SHANK2: variants seen among roughly 807,000 people sequenced by gnomAD.
SHANK2 encodes the protein SH3 and multiple ankyrin repeat domains 2, also known as SH3 and multiple ankyrin repeat domains protein 2.
In SHANK2, 43 loss-of-function variants were observed where a neutral mutation model predicts 133.7. The observed-to-expected ratio is 0.32, with a 90% CI of 0.25 to 0.41. The LOEUF is 0.41. SHANK2 is among the 10% of genes least tolerant of loss of function. The pLI, the probability that SHANK2 is intolerant of heterozygous loss-of-function variation, is 1.00. For synonymous variants in SHANK2, 1,017 were observed against 952.8 expected (o/e 1.07, Z -1.24); for missense variants, 1,994 against 2,235.8 (o/e 0.89, Z 2.18).
intron 15 of SHANK2, among the ~76,000 whole-genome samples, chr11:70,671,150 T>C (rs1944795720): frequency 6.6e-6 from 1 of 152,238 alleles, no homozygotes; most frequent in Non-Finnish European, 1.5e-5. Context: ...AAGCATTTCC[T>C]GAGCACTACC....
chr11:70,944,473 A>C (rs140042268), intron 10 of SHANK2, among the ~76,000 whole-genome samples: 2 of 152,348 alleles, frequency 1.3e-5, no homozygotes, highest in East Asian at 1.9e-4. Flanking sequence ...GAACACGTGC[A>C]TCTGAAACAC....
intron 17 of SHANK2, among the ~76,000 whole-genome samples, chr11:70,551,027 C>T (rs1349559323): frequency 1.3e-5 from 2 of 152,168 alleles, no homozygotes; most frequent in Non-Finnish European, 2.9e-5. Context: ...GAGGGCCAAG[C>T]GGGGAGGGCC....
intron 14 of SHANK2, among the ~76,000 whole-genome samples, chr11:70,708,889 C>T (rs182400674): frequency 6.6e-6 from 1 of 152,204 alleles, no homozygotes; most frequent in Non-Finnish European, 1.5e-5. Context: ...GTGGACCCCC[C>T]CTGCTGACCT....
At position 70,535,098 on chromosome 11, in the gene SHANK2, G is replaced by A. The variant is rs2059527138; in HGVS notation, c.2062-32167C>T. Among the ~76,000 whole-genome samples, 1 of 152,190 alleles carries A rather than the reference G, an allele frequency of 6.6e-6. No homozygotes were observed. The highest frequency in any genetic ancestry group is 2.1e-4 in the South Asian group (1 of 4,824). On this transcript the variant is annotated intron_variant, in intron 17 of 25. Transcript: ENST00000601538. This position sits in a 1 kb window ranked among gnomAD's most constrained non-coding sequence, Gnocchi z 4.3. ...ACCTGGAGGGAAGACTGGCTTTGGG[G>A]CAGGTGAGGCAGGCACATGAAGTAG...
At chr11:71,233,176 C>T (rs1026599837) in intron 1 of SHANK2, among the ~76,000 whole-genome samples, 1 of 151,840 alleles carries the variant, frequency 6.6e-6, no homozygotes, top group Non-Finnish European at 1.5e-5. Context: ...TGAATGTTCA[C>T]GGCAGCATAC....
At chr11:70,565,256 T>C (rs964673987) in intron 17 of SHANK2, among the ~76,000 whole-genome samples, 15 of 141,372 alleles carry the variant, frequency 1.1e-4, no homozygotes, top group Admixed American at 5.6e-4. Flanking sequence ...TCCATTTATT[T>C]ATTTTTGAGA....
At chr11:71,184,393 C>G (rs1228286025) in intron 2 of SHANK2, among the ~76,000 whole-genome samples, 2 of 152,150 alleles carry the variant, frequency 1.3e-5, no homozygotes, top group African/African-American at 4.8e-5. Context: ...GCTCTCGCGT[C>G]CATCACTTGA....
intron 11 of SHANK2, among the ~76,000 whole-genome samples, chr11:70,893,849 G>A (rs782105584): frequency 5.9e-5 from 9 of 152,120 alleles, no homozygotes; most frequent in South Asian, 2.1e-4. Flanking sequence ...ACAAACATAC[G>A]GACATGAGAG....
chr11:70,937,523 A>G (rs1950588017), intron 10 of SHANK2, among the ~76,000 whole-genome samples: 1 of 152,174 alleles, frequency 6.6e-6, no homozygotes, highest in Admixed American at 6.5e-5. Context: ...ACCTTCATCA[A>G]TTGGTGGCCA....
rs1331118530 is a variant in SHANK2 at position 70,787,545 on chromosome 11, TCATCACCATGAC to T, written c.1777+10886_1777+10897del. Among the ~76,000 whole-genome samples, 78 of 121,116 alleles carry T rather than the reference TCATCACCATGAC, an allele frequency of 6.4e-4. 2 individuals are homozygous for T. The highest frequency in any genetic ancestry group is 5.7e-3 in the Admixed American group (67 of 11,766). The allele number at this position is 121,116 out of a possible 152,430, so 79.5% of individuals were successfully genotyped here. A position where few individuals can be genotyped will look rare whatever the true frequency, so the allele number is the denominator to read the frequency against. On this transcript the variant is annotated intron_variant, in intron 14 of 25. Transcript: ENST00000601538. ...ACCACCACCACCAGCATCAACACCA[TCATCACCATGAC>T]CATCACCATGACCACCACCACCAGC...
At chr11:70,901,591 G>A (rs1333821267) in intron 10 of SHANK2, among the ~76,000 whole-genome samples, 3 of 152,034 alleles carry the variant, frequency 2.0e-5, no homozygotes, top group African/African-American at 4.8e-5. Flanking sequence ...ATAACATTTC[G>A]GTAATACAGA....
At chr11:71,117,891 G>A (rs75105771) in intron 4 of SHANK2, among the ~76,000 whole-genome samples, 1,843 of 152,278 alleles carry the variant, frequency 0.012, 12 homozygotes, top group East Asian at 0.02. Flanking sequence ...AGGGGGTGGT[G>A]GGAACCCCTA....
intron 10 of SHANK2, among the ~76,000 whole-genome samples, chr11:70,901,328 C>T (rs1055152070): frequency 6.6e-6 from 1 of 152,092 alleles, no homozygotes; most frequent in East Asian, 1.9e-4. Context: ...GCATAAGAAA[C>T]AACAAATGAC....
intron 13 of SHANK2, among the ~76,000 whole-genome samples, chr11:70,801,512 A>C (rs575466841): frequency 1.3e-5 from 2 of 152,356 alleles, no homozygotes; most frequent in Admixed American, 1.3e-4. Context: ...ATCTGCGTCC[A>C]GGTAGGAATG....
At chr11:70,716,565 G>A (rs1308721348) in intron 14 of SHANK2, among the ~76,000 whole-genome samples, 3 of 152,126 alleles carry the variant, frequency 2.0e-5, no homozygotes, top group East Asian at 1.9e-4. Flanking sequence ...CCATCAGGGT[G>A]CCTTCTTGGG....
intron 1 of SHANK2, among the ~76,000 whole-genome samples, chr11:71,248,407 G>A (rs1439103371): frequency 2.0e-5 from 3 of 152,242 alleles, no homozygotes; most frequent in African/African-American, 7.2e-5. Context: ...GCTTTCTCCA[G>A]CTGGGCAGCG....
At chr11:70,508,481 A>G (rs1554968804) in intron 17 of SHANK2, among the ~76,000 whole-genome samples, 7 of 152,140 alleles carry the variant, frequency 4.6e-5, no homozygotes, top group African/African-American at 1.7e-4. Flanking sequence ...GCCCAAATTT[A>G]TATGCTGGAG....
chr11:70,518,076 C>T (rs1345966958), intron 17 of SHANK2, among the ~76,000 whole-genome samples: 2 of 152,150 alleles, frequency 1.3e-5, no homozygotes, highest in East Asian at 3.9e-4. Context: ...ATGGAAGAAG[C>T]CCAATGTTAC....
intron 14 of SHANK2, among the ~76,000 whole-genome samples, chr11:70,787,333 GACCAC>G (rs1947687940): frequency 2.6e-5 from 1 of 38,100 alleles, no homozygotes; most frequent in Non-Finnish European, 5.8e-5. Context: ...TGACCACCAT[GACCAC>G]CACCACCACC....
Sources: gnomAD v4.1 joint callset for allele counts (sites outside exome capture counted in the v4.1 genomes callset) on GRCh38, gnomAD v4.1.1 for gene constraint, Gnocchi (gnomAD v3.1) non-coding constraint, MANE v1.5 for transcripts, NCBI Gene and HGNC (gene_info 2026-07-23, HGNC 2026-07-21) for gene names.